Variants in MAST4 observed in about 807,000 individuals in gnomAD.
MAST4 encodes the protein microtubule associated serine/threonine kinase family member 4.
A neutral mutation model predicts 162.7 loss-of-function variants in MAST4; 89 were observed. The ratio of observed to expected loss-of-function variants is 0.55; its 90% CI spans 0.46 to 0.65. The LOEUF is 0.65. Among genes scored for constraint, MAST4 ranks in the 30% least tolerant of loss-of-function variants. The probability of loss-of-function intolerance (pLI) is 0.00; values close to 1 mark genes in which losing one functional copy is unlikely to be tolerated. For missense variants in MAST4, 3,153 were observed against 3,374.0 expected (o/e 0.93, Z 1.62); for synonymous variants, 1,479 against 1,361.1 (o/e 1.09, Z -1.91).
chr5:66,724,250 G>C (rs1751385599), intron 1 of MAST4, among the ~76,000 whole-genome samples: 2 of 152,192 alleles, frequency 1.3e-5, no homozygotes, highest in South Asian at 4.1e-4. Context: ...TTAGTTGTAG[G>C]TTGTTGATTT....
At chr5:66,672,173 A>G (rs752207765) in intron 1 of MAST4, among the ~76,000 whole-genome samples, 5 of 152,258 alleles carry the variant, frequency 3.3e-5, no homozygotes, top group Non-Finnish European at 7.3e-5. Context: ...TTAAACACAG[A>G]CATATGTAGG....
intron 24 of MAST4, among the ~76,000 whole-genome samples, chr5:67,150,665 T>G (rs1771686731): frequency 6.6e-6 from 1 of 152,104 alleles, no homozygotes; most frequent in African/African-American, 2.4e-5. Context: ...ATTATTTGAT[T>G]TGGGGAGATA....
At chr5:67,065,207 C>T (rs1372906942) in intron 5 of MAST4, among the ~76,000 whole-genome samples, 2 of 152,050 alleles carry the variant, frequency 1.3e-5, no homozygotes, top group East Asian at 3.9e-4. Context: ...TCAGTGACCA[C>T]CTAGAAAGTA....
chr5:67,130,104 C>T, intron 14 of MAST4, 106 bp from the exon 15 acceptor site: 3 of 992,410 alleles, frequency 3.0e-6, no homozygotes, highest in Non-Finnish European at 4.4e-6. Flanking sequence ...ATTCCACCTG[C>T]TGTGAGAACT....
At chr5:66,796,080 C>A (rs1755631886) in intron 3 of MAST4, among the ~76,000 whole-genome samples, 1 of 152,188 alleles carries the variant, frequency 6.6e-6, no homozygotes, top group African/African-American at 2.4e-5. Flanking sequence ...GAAGATAAAT[C>A]TCATTATAGG....
chr5:66,626,205 ATATTT>A (rs555644175), intron 1 of MAST4, among the ~76,000 whole-genome samples: 55 of 152,264 alleles, frequency 3.6e-4, no homozygotes, highest in African/African-American at 1.1e-3. Flanking sequence ...GTCGAAGATA[ATATTT>A]TATTATATAC....
chr5:66,712,227 A>G lies in MAST4; in HGVS notation c.364-47482A>G, dbSNP rs1450799630. On this transcript the variant is annotated intron_variant, in intron 1 of 28. Coordinates refer to ENST00000403625, the MANE Select transcript of MAST4 (RefSeq NM_001164664.2). ...GTATGTATATATTTAGGAACCAGTC[A>G]CATGGTAAATGTAAGTTTAACCTTA... Among the ~76,000 whole-genome samples, 6 of 152,242 alleles carry G rather than the reference A, an allele frequency of 3.9e-5. No homozygotes were observed. The East Asian group carries it at 9.6e-4, about 24-fold the overall frequency.
At position 66,783,735 on chromosome 5, in the gene MAST4, G is replaced by A. The variant is rs114314637; in HGVS notation, c.518-4935G>A. Among the ~76,000 whole-genome samples, 180 of 152,042 alleles carry A rather than the reference G, an allele frequency of 1.2e-3. 1 individual carries two copies. The highest frequency in any genetic ancestry group is 4.2e-3 in the African/African-American group (175 of 41,458). On this transcript the variant is annotated intron_variant, in intron 2 of 28. Coordinates refer to ENST00000403625, the MANE Select transcript of MAST4 (RefSeq NM_001164664.2). ...GAGTGATTTCAGAGAAGGATGAGATGGCATGCATGCTTGTTCTCAGTGGTC... is the reference window on the plus strand; with the variant it reads ...GAGTGATTTCAGAGAAGGATGAGATAGCATGCATGCTTGTTCTCAGTGGTC...
At chr5:66,608,043 C>T (rs1743006625) in intron 1 of MAST4, among the ~76,000 whole-genome samples, 1 of 150,770 alleles carries the variant, frequency 6.6e-6, no homozygotes, top group African/African-American at 2.4e-5. Flanking sequence ...TATCCATCAC[C>T]TCACATGCTT....
chr5:66,756,913 C>T (rs1279232100), intron 1 of MAST4, among the ~76,000 whole-genome samples: 2 of 152,152 alleles, frequency 1.3e-5, no homozygotes, highest in Admixed American at 1.3e-4. Context: ...CCTCAGTTTT[C>T]CCAGATTTAA....
chr5:67,129,170 A>G (rs1768619064), intron 14 of MAST4, among the ~76,000 whole-genome samples: 1 of 152,166 alleles, frequency 6.6e-6, no homozygotes, highest in South Asian at 2.1e-4. Flanking sequence ...GAACAGAAAT[A>G]CAGCTCCATC....
intron 3 of MAST4, among the ~76,000 whole-genome samples, chr5:66,858,170 T>A (rs952448549): frequency 1.3e-5 from 2 of 152,124 alleles, no homozygotes; most frequent in Non-Finnish European, 2.9e-5. Flanking sequence ...TTTTGTACTC[T>A]TAGTAGAGAC....
intron 21 of MAST4, 66 bp downstream of exon 21, chr5:67,142,599 T>C: frequency 1.9e-6 from 2 of 1,056,686 alleles, no homozygotes; most frequent in Non-Finnish European, 2.8e-6. Context: ...CCAGATAGTA[T>C]CCCCGAACAG....
intron 4 of MAST4, among the ~76,000 whole-genome samples, chr5:67,049,025 A>ACAAG (rs1757764512): frequency 4.3e-5 from 3 of 69,082 alleles, no homozygotes; most frequent in African/African-American, 2.0e-4. Flanking sequence ...ATATATACGT[A>ACAAG]TATATATATA....
intron 19 of MAST4, among the ~76,000 whole-genome samples, chr5:67,140,696 G>T (rs75255954): frequency 6.6e-6 from 1 of 152,180 alleles, no homozygotes; most frequent in Non-Finnish European, 1.5e-5. Flanking sequence ...AAAAGGTGTT[G>T]TAATGCCCAC....
At chr5:66,635,227 G>A (rs1376567541) in intron 1 of MAST4, among the ~76,000 whole-genome samples, 1 of 152,132 alleles carries the variant, frequency 6.6e-6, no homozygotes, top group Non-Finnish European at 1.5e-5. Context: ...GCTGGTAACC[G>A]TGCCAGAGTG....
chr5:66,817,124 A>G (rs6877504), intron 3 of MAST4, among the ~76,000 whole-genome samples: 6,099 of 151,720 alleles, frequency 0.04, 393 homozygotes, highest in African/African-American at 0.14. Flanking sequence ...GTGTCTTGCG[A>G]CCCCATGACT....
intron 1 of MAST4, among the ~76,000 whole-genome samples, chr5:66,678,729 G>A (rs761011846): frequency 2.6e-5 from 4 of 151,522 alleles, no homozygotes; most frequent in Non-Finnish European, 1.5e-5. Context: ...TCTTGATCTC[G>A]TGATCTTCCC....
intron 1 of MAST4, among the ~76,000 whole-genome samples, chr5:66,605,660 T>C (rs556461355): frequency 6.6e-6 from 1 of 152,268 alleles, no homozygotes; most frequent in South Asian, 2.1e-4. Flanking sequence ...CCTGGTTTAT[T>C]GTTGCTTGGG....
Sources: gnomAD v4.1 joint callset for allele counts (sites outside exome capture counted in the v4.1 genomes callset) on GRCh38, gnomAD v4.1.1 for gene constraint, MANE v1.5 for transcripts, NCBI Gene and HGNC (gene_info 2026-07-23, HGNC 2026-07-21) for gene names.